MAPK10: variants seen among roughly 807,000 people sequenced by gnomAD.
MAPK10 encodes the protein mitogen-activated protein kinase 10, also known as JNK3 alpha protein kinase.
A neutral mutation model predicts 59.3 loss-of-function variants in MAPK10; 25 were observed. That is an observed-to-expected ratio of 0.42 (90% CI 0.31 to 0.59). The LOEUF is 0.59. Among genes scored for constraint, MAPK10 ranks in the 20% least tolerant of loss-of-function variants. MAPK10 has a pLI of 0.15. For missense variants in MAPK10, 351 were observed against 568.9 expected (o/e 0.62, Z 3.90); for synonymous variants, 190 against 200.5 (o/e 0.95, Z 0.44).
intron 2 of MAPK10, among the ~76,000 whole-genome samples, chr4:86,305,578 G>A (rs1305282201): frequency 6.6e-6 from 1 of 152,120 alleles, no homozygotes; most frequent in Non-Finnish European, 1.5e-5. Context: ...CAGCACTTTG[G>A]GAGGCTAAGG....
intron 1 of MAPK10, among the ~76,000 whole-genome samples, chr4:86,377,999 C>T (rs1446916739): frequency 1.3e-5 from 2 of 152,184 alleles, no homozygotes; most frequent in Admixed American, 6.5e-5. Context: ...TCCCAACCCA[C>T]TGACTCAAAT....
At chr4:86,460,436 G>A (rs1426625066) in intron 1 of MAPK10, among the ~76,000 whole-genome samples, 2 of 152,090 alleles carry the variant, frequency 1.3e-5, no homozygotes, top group African/African-American at 4.8e-5. Flanking sequence ...CCATATACAT[G>A]GGAACTGGAT....
chr4:86,098,771 G>C, intron 8 of MAPK10, 176 bp from the exon 9 acceptor site: 1 of 566,300 alleles, frequency 1.8e-6, no homozygotes, highest in Non-Finnish European at 3.2e-6. Context: ...TACATAAACA[G>C]TGTTTAGTAT....
At chr4:86,351,613 G>T (rs1158719714) in intron 2 of MAPK10, among the ~76,000 whole-genome samples, 2 of 151,606 alleles carry the variant, frequency 1.3e-5, no homozygotes, top group Non-Finnish European at 2.9e-5. Context: ...TAGCACCTTA[G>T]ATGTTCTCCC....
intron 2 of MAPK10, among the ~76,000 whole-genome samples, chr4:86,274,222 A>ACTTTTAC (rs2094509352): frequency 6.6e-6 from 1 of 152,032 alleles, no homozygotes; most frequent in Non-Finnish European, 1.5e-5. Context: ...ATATGAAAAT[A>ACTTTTAC]CTTTTACCTT....
At chr4:86,214,521 A>C (rs1321030403) in intron 2 of MAPK10, among the ~76,000 whole-genome samples, 3 of 149,204 alleles carry the variant, frequency 2.0e-5, no homozygotes, top group East Asian at 1.9e-4. Context: ...TAAAAAAAAA[A>C]AAAAAAAAAA....
intron 2 of MAPK10, among the ~76,000 whole-genome samples, chr4:86,319,550 C>T (rs1335754893): frequency 2.6e-5 from 4 of 152,174 alleles, no homozygotes; most frequent in Non-Finnish European, 5.9e-5. Context: ...CTTCCTTTCA[C>T]TCATCTCTGA....
At chr4:86,325,249 A>G (rs1440122990) in intron 2 of MAPK10, among the ~76,000 whole-genome samples, 3 of 152,242 alleles carry the variant, frequency 2.0e-5, no homozygotes, top group Admixed American at 2.0e-4. Flanking sequence ...AACAATAATA[A>G]TAAGAGTTAG....
At chr4:86,563,501 C>G (rs1411655531) in intron 1 of MAPK10, among the ~76,000 whole-genome samples, 1 of 152,130 alleles carries the variant, frequency 6.6e-6, no homozygotes, top group Admixed American at 6.5e-5. Flanking sequence ...TATCTGTTTA[C>G]TTTTCATCTT....
In MAPK10 at chr4:86,015,765, T is replaced by C. The variant is rs1360361894; in HGVS notation, c.*1463A>G. On this transcript the variant is annotated 3_prime_UTR_variant, in exon 14 of 14. Transcript: ENST00000641462. The stretch of plus-strand genomic sequence containing the variant: ...GCAGAGTTATTGCTCTTACATCTAC[T>C]GCAGTACAAAACTCAGATGATCAGC... The C allele has an allele frequency of 2.0e-5, 3 of 152,208 alleles. No homozygotes were observed. Among genetic ancestry groups the C allele is most frequent in the African/African-American group, 7.2e-5 (3 of 41,450 alleles). 9.4% of individuals were successfully genotyped at this position (152,208 alleles called of 1,614,324 possible). A position where few individuals can be genotyped will look rare whatever the true frequency, so the allele number is the denominator to read the frequency against.
At chr4:86,303,553 G>A (rs2095507251) in intron 2 of MAPK10, among the ~76,000 whole-genome samples, 1 of 152,184 alleles carries the variant, frequency 6.6e-6, no homozygotes, top group African/African-American at 2.4e-5. Context: ...TAGACTAAAA[G>A]TACAATGGGA....
intron 1 of MAPK10, among the ~76,000 whole-genome samples, chr4:86,415,357 C>T (rs1311893900): frequency 6.6e-6 from 1 of 152,018 alleles, no homozygotes; most frequent in Non-Finnish European, 1.5e-5. Context: ...TTTTTTGCCT[C>T]GTGACTTCAG....
At chr4:86,140,211 C>G (rs1397502478) in intron 4 of MAPK10, among the ~76,000 whole-genome samples, 5 of 141,096 alleles carry the variant, frequency 3.5e-5, no homozygotes, top group East Asian at 4.0e-4. Flanking sequence ...ATAAATCATG[C>G]TGCTATAAAG....
chr4:86,475,805 C>T (rs1168727418), intron 1 of MAPK10, among the ~76,000 whole-genome samples: 1 of 151,970 alleles, frequency 6.6e-6, no homozygotes, highest in Non-Finnish European at 1.5e-5. Context: ...TCTCTCTTTT[C>T]TCTGGGCTTG....
intron 2 of MAPK10, among the ~76,000 whole-genome samples, chr4:86,279,565 A>G (rs1046466814): frequency 1.3e-5 from 2 of 152,182 alleles, no homozygotes; most frequent in African/African-American, 4.8e-5. Flanking sequence ...CAGAGTGAGT[A>G]CCATTTGACA....
At chr4:86,372,559 A>AGAAG (rs1491115294) in intron 1 of MAPK10, among the ~76,000 whole-genome samples, 2 of 26,620 alleles carry the variant, frequency 7.5e-5, no homozygotes, top group Non-Finnish European at 1.3e-4. Context: ...AAAGAAAGAA[A>AGAAG]GAAAGAAAGA....
intron 1 of MAPK10, among the ~76,000 whole-genome samples, chr4:86,439,835 G>A (rs1749209952): frequency 1.3e-5 from 2 of 151,732 alleles, no homozygotes; most frequent in South Asian, 4.2e-4. Context: ...TTTCTTCTTT[G>A]GTAAAGTATC....
chr4:86,124,240 G>T (rs1562002345), intron 4 of MAPK10: 1 of 151,670 alleles, frequency 6.6e-6, no homozygotes, highest in Non-Finnish European at 1.5e-5. Context: ...TTCACATTGG[G>T]TCCAAATAAA....
rs1052128163 is a variant in MAPK10 at position 86,012,108 on chromosome 4, A to G, written c.*5120T>C. The stretch of plus-strand genomic sequence containing the variant: ...CTCTACTTACCTAATGCCCCCCCAA[A>G]AGATGATCTTTTTTTTCTTCATTGA... On this transcript the variant is annotated 3_prime_UTR_variant, in exon 14 of 14. Coordinates refer to ENST00000641462, the MANE Select transcript of MAPK10 (RefSeq NM_138982.4). 1.3e-5 allele frequency: 2 copies of G among 152,150 alleles called. No homozygotes were observed. Among genetic ancestry groups the G allele is most frequent in the Non-Finnish European group, 2.9e-5 (2 of 68,008 alleles). 9.4% of individuals were successfully genotyped at this position (152,150 alleles called of 1,614,324 possible). A position where few individuals can be genotyped will look rare whatever the true frequency, so the allele number is the denominator to read the frequency against.
Sources: allele counts gnomAD v4.1 joint callset (sites outside exome capture counted in the v4.1 genomes callset), GRCh38; gene constraint gnomAD v4.1.1; transcripts MANE v1.5; gene names NCBI Gene and HGNC (gene_info 2026-07-23, HGNC 2026-07-21).